The following ATOH8 variants were observed in gnomAD, a reference collection of about 807,000 sequenced individuals.
ATOH8 encodes transcription factor ATOH8.
In ATOH8, 9 loss-of-function variants were observed where a neutral mutation model predicts 21.2. That is an observed-to-expected ratio of 0.42 (90% CI 0.26 to 0.74). The LOEUF is 0.74. Among genes scored for constraint, ATOH8 ranks in the 30% least tolerant of loss-of-function variants. The pLI is 0.24. For synonymous variants in ATOH8, 253 were observed against 224.0 expected (o/e 1.13, Z -1.16); for missense variants, 524 against 470.9 (o/e 1.11, Z -1.04).
At chr2:85,775,195 G>A in intron 2 of ATOH8, 1 of 980,508 alleles carries the variant, frequency 1.0e-6, no homozygotes. Context: ...TGGATTAAAT[G>A]CCTGTGTCTC....
chr2:85,754,304 G>T lies in ATOH8; in HGVS notation c.115G>T (p.Gly39Cys), dbSNP rs751095097. ...CAAGGAGCCGGCGCGGCGCGCGAAC[G>T]GCTATAAAACTTTCCGACTGGACTT... ...KGKEPARRAN[G>C]YKTFRLDLEA... The change falls in exon 1 of 3, where the codon GGC (glycine) becomes TGC (cysteine). Residue 39 changes from glycine to cysteine, a missense_variant. Gly to Cys is a radical substitution (Grantham distance 159). Transcript: ENST00000306279. 1 of 1,609,962 alleles carries T rather than the reference G, an allele frequency of 6.2e-7. No homozygotes were observed. The highest frequency in any genetic ancestry group is 1.3e-5 in the African/African-American group (1 of 74,222).
chr2:85,781,963 C>G (rs999937931), intron 2 of ATOH8, among the ~76,000 whole-genome samples: 1 of 152,104 alleles, frequency 6.6e-6, no homozygotes, highest in Admixed American at 6.5e-5. Context: ...CTCAGGGCCC[C>G]CCAGCTGACT....
intron 2 of ATOH8, chr2:85,772,502 A>C (rs1680212705): frequency 2.0e-5 from 7 of 346,406 alleles, no homozygotes; most frequent in South Asian, 1.5e-4. Context: ...CAGGGAAAGC[A>C]CGCGAGCTGG....
At chr2:85,767,353 C>T (rs999681249) in intron 2 of ATOH8, among the ~76,000 whole-genome samples, 16 of 152,012 alleles carry the variant, frequency 1.1e-4, no homozygotes, top group Middle Eastern at 6.8e-3. Context: ...CTGCTCACAG[C>T]GCTCAGTCCT....
chr2:85,769,870 G>A (rs189211937), intron 2 of ATOH8, among the ~76,000 whole-genome samples: 1 of 152,286 alleles, frequency 6.6e-6, no homozygotes, highest in Admixed American at 6.5e-5. Context: ...TCCCAGCTTT[G>A]TTCCTACCTC....
chr2:85,778,975 G>A (rs976259153), intron 2 of ATOH8, among the ~76,000 whole-genome samples: 2 of 151,210 alleles, frequency 1.3e-5, no homozygotes, highest in Non-Finnish European at 3.0e-5. Flanking sequence ...TGAGTGGGCT[G>A]CCCCCTCCTG....
chr2:85,765,815 G>A (rs1680000288), intron 2 of ATOH8, among the ~76,000 whole-genome samples: 1 of 152,196 alleles, frequency 6.6e-6, no homozygotes, highest in South Asian at 2.1e-4. Context: ...ATGCCTGGCT[G>A]GTGAGGAAGG....
At chr2:85,765,935 C>T (rs1680003398) in intron 2 of ATOH8, among the ~76,000 whole-genome samples, 1 of 152,162 alleles carries the variant, frequency 6.6e-6, no homozygotes, top group African/African-American at 2.4e-5. Flanking sequence ...CCAACCTTCC[C>T]ATTGTGGAGT....
intron 2 of ATOH8, chr2:85,773,968 G>A: frequency 2.1e-6 from 1 of 487,162 alleles, no homozygotes; most frequent in Non-Finnish European, 2.7e-6. Flanking sequence ...TGCTGGAGCT[G>A]GTCCCTACTC....
At position 85,773,153 on chromosome 2, in the gene ATOH8, G is replaced by A. The variant is rs1244140845; in HGVS notation, c.960+8971G>A. 6 of 301,832 alleles carry A rather than the reference G, an allele frequency of 2.0e-5. No homozygotes were observed. In the East Asian group the frequency reaches 4.8e-4, roughly 24 times the overall value. 18.7% of individuals were successfully genotyped at this position (301,832 alleles called of 1,614,324 possible). On this transcript the variant is annotated intron_variant, in intron 2 of 2. Coordinates refer to ENST00000306279, the MANE Select transcript of ATOH8 (RefSeq NM_032827.7). ...CCTCAGAGGGAGGGTCTGGGAGACC[G>A]GACACCATGCAGAGACCCCCATCAG...
At position 85,789,751 on chromosome 2, in the gene ATOH8, C is replaced by T. The variant is rs1183910530; in HGVS notation, c.*2861C>T. Among the ~76,000 whole-genome samples, 1 of 152,152 alleles carries T rather than the reference C, an allele frequency of 6.6e-6. No individual in the cohort carries two copies. The highest frequency in any genetic ancestry group is 1.9e-4 in the East Asian group (1 of 5,192). On this transcript the variant is annotated 3_prime_UTR_variant, in exon 3 of 3. Coordinates refer to ENST00000306279, the MANE Select transcript of ATOH8 (RefSeq NM_032827.7). Reference sequence around the variant, plus strand: ...TAATGTGCAGGCAAGGTTGAAGCCGCTGGTCTAAGTGGGGTCTGGTCTACG... The same window carrying T: ...TAATGTGCAGGCAAGGTTGAAGCCGTTGGTCTAAGTGGGGTCTGGTCTACG...
At position 85,785,566 on chromosome 2, in the gene ATOH8, C is replaced by T. The variant is rs1336746337; in HGVS notation, c.961-1319C>T. On this transcript the variant is annotated intron_variant, in intron 2 of 2. Transcript: ENST00000306279. This position sits in a 1 kb window ranked among gnomAD's most constrained non-coding sequence, Gnocchi z 4.1. The stretch of plus-strand genomic sequence containing the variant: ...GCTGGCTGCCCCGGCCCACGGGGCT[C>T]ACCAGGGCCTGTGGTTAGCAGGCCC... 6.6e-6 allele frequency among the ~76,000 whole-genome samples: 1 copy of T among 152,242 alleles called. No individual in the cohort carries two copies. Among genetic ancestry groups the T allele is most frequent in the Non-Finnish European group, 1.5e-5 (1 of 68,042 alleles).
At position 85,764,053 on chromosome 2, in the gene ATOH8, C is replaced by T; in HGVS notation, c.831C>T (p.Asn277=). ...SKLAILRIAC[N]YILSLARLAD... ...TGGCCATCCTGAGGATCGCCTGTAA[C>T]TACATCCTGTCCCTGGCGCGGCTGG... Residue 277 remains asparagine (N), a synonymous_variant, in exon 2 of 3, where the codon AAC becomes AAT. Transcript: ENST00000306279. 6.2e-7 allele frequency: 1 copy of T among 1,614,210 alleles called. No individual in the cohort carries two copies. The highest frequency in any genetic ancestry group is 1.1e-5 in the South Asian group (1 of 91,078).
At chr2:85,771,737 C>A (rs1458315623) in intron 2 of ATOH8, among the ~76,000 whole-genome samples, 1 of 152,216 alleles carries the variant, frequency 6.6e-6, no homozygotes, top group Non-Finnish European at 1.5e-5. Context: ...CAGACCACTG[C>A]CACCACCAAG....
Position 85,790,820 on chromosome 2 carries a change from G to A in ATOH8, c.*3930G>A, listed in dbSNP as rs772078988. Among the ~76,000 whole-genome samples the A allele has an allele frequency of 2.6e-5, 4 of 152,208 alleles. No individual in the cohort carries two copies. The highest frequency in any genetic ancestry group is 5.9e-5 in the Non-Finnish European group (4 of 68,038). On this transcript the variant is annotated 3_prime_UTR_variant, in exon 3 of 3. Coordinates refer to ENST00000306279, the MANE Select transcript of ATOH8 (RefSeq NM_032827.7). The stretch of plus-strand genomic sequence containing the variant: ...GACAGGGGCCGCGCTGTGGTCAGCC[G>A]TGGGAAGCCGGCGAGGGGACTGGAG...
chr2:85,789,577 G>A lies in ATOH8; in HGVS notation c.*2687G>A, dbSNP rs1396610138. 6.6e-6 allele frequency among the ~76,000 whole-genome samples: 1 copy of A among 152,128 alleles called. No homozygotes were observed. The highest frequency in any genetic ancestry group is 1.5e-5 in the Non-Finnish European group (1 of 68,030). ...TCTATGCAGAGGAGCACTCAGCGCT[G>A]GCAGGAAATTGGAATCACCCAAGGA... On this transcript the variant is annotated 3_prime_UTR_variant, in exon 3 of 3. Coordinates refer to ENST00000306279, the MANE Select transcript of ATOH8 (RefSeq NM_032827.7).
chr2:85,754,354 A>C lies in ATOH8; in HGVS notation c.165A>C (p.Val55=), dbSNP rs370526864. ...LDLEAPEPRA[V]ATNGLRDRTH... ...TGGAAGCGCCCGAGCCCCGCGCCGT[A>C]GCCACCAACGGGCTGCGGGACAGGA... The change falls in exon 1 of 3, where the codon GTA becomes GTC. Residue 55 remains valine (V), a synonymous_variant. Transcript: ENST00000306279. 1 of 1,599,430 alleles carries C rather than the reference A, an allele frequency of 6.3e-7. No individual in the cohort carries two copies. The highest frequency in any genetic ancestry group is 8.5e-7 in the Non-Finnish European group (1 of 1,174,432).
intron 1 of ATOH8, among the ~76,000 whole-genome samples, chr2:85,763,100 A>G (rs970347139): frequency 1.3e-5 from 2 of 152,178 alleles, no homozygotes; most frequent in African/African-American, 4.8e-5. Context: ...TTAGGTGAAC[A>G]GTACATCATA....
intron 2 of ATOH8, among the ~76,000 whole-genome samples, chr2:85,770,102 T>A (rs1680140395): frequency 6.6e-6 from 1 of 152,214 alleles, no homozygotes; most frequent in Admixed American, 6.5e-5. Context: ...CGACATCTGA[T>A]GTTCAGAGAG....
Sources: gnomAD v4.1 joint callset for allele counts (sites outside exome capture counted in the v4.1 genomes callset) on GRCh38, gnomAD v4.1.1 for gene constraint, Gnocchi (gnomAD v3.1) non-coding constraint, MANE v1.5 for transcripts, NCBI Gene and HGNC (gene_info 2026-07-23, HGNC 2026-07-21) for gene names.